The following SYN3 variants were observed in gnomAD, a reference collection of about 807,000 sequenced individuals.
SYN3 encodes the protein synapsin III.
A neutral mutation model predicts 65.8 loss-of-function variants in SYN3; 35 were observed. The ratio of observed to expected loss-of-function variants is 0.53; its 90% confidence interval spans 0.41 to 0.70. The LOEUF is 0.70. Among genes scored for constraint, SYN3 ranks in the 30% least tolerant of loss-of-function variants. The pLI is 0.00. For synonymous variants in SYN3, 270 were observed against 292.9 expected, an observed-to-expected ratio of 0.92 and a Z score of 0.80; for missense variants, 680 against 749.0, an observed-to-expected ratio of 0.91 and a Z score of 1.08.
intron 2 of SYN3, among the ~76,000 whole-genome samples, chr22:32,988,126 G>C (rs1039292363): frequency 3.6e-4 from 54 of 151,858 alleles, no homozygotes; most frequent in Admixed American, 1.6e-3. Flanking sequence ...GGCCAACATG[G>C]TGAAACGCCA....
At chr22:32,936,889 G>A (rs1228999865) in intron 3 of SYN3, among the ~76,000 whole-genome samples, 2 of 152,132 alleles carry the variant, frequency 1.3e-5, no homozygotes, top group Admixed American at 1.3e-4. Context: ...TTAATCCCAG[G>A]CAAACTAGAA....
intron 6 of SYN3, among the ~76,000 whole-genome samples, chr22:32,709,408 A>T (rs1011003281): frequency 1.3e-5 from 2 of 152,232 alleles, no homozygotes; most frequent in Non-Finnish European, 2.9e-5. Flanking sequence ...GTTTTTAAAC[A>T]AAACCAAACC....
chr22:32,660,315 T>C (rs1314999526), intron 6 of SYN3, among the ~76,000 whole-genome samples: 1 of 152,246 alleles, frequency 6.6e-6, no homozygotes, highest in Non-Finnish European at 1.5e-5. Context: ...TAAGTAGCCG[T>C]GCCAAACCTG....
chr22:33,058,025 G>A (rs1349089940), intron 1 of SYN3, among the ~76,000 whole-genome samples: 1 of 152,062 alleles, frequency 6.6e-6, no homozygotes, highest in Non-Finnish European at 1.5e-5. Context: ...CCGGCTCCCG[G>A]GCCCGGCAGA....
intron 6 of SYN3, among the ~76,000 whole-genome samples, chr22:32,597,239 A>T (rs5998550): frequency 1.9e-5 from 2 of 103,118 alleles, no homozygotes; most frequent in Admixed American, 1.3e-4. Flanking sequence ...TTTTTGGGAC[A>T]AGTCTTGCTC....
At chr22:32,728,641 G>C (rs1250032842) in intron 6 of SYN3, among the ~76,000 whole-genome samples, 1 of 152,202 alleles carries the variant, frequency 6.6e-6, no homozygotes, top group African/African-American at 2.4e-5. Flanking sequence ...GAGGTTGGGG[G>C]AGTCATGAAA....
At chr22:32,645,402 G>T (rs896171277) in intron 6 of SYN3, among the ~76,000 whole-genome samples, 2 of 148,978 alleles carry the variant, frequency 1.3e-5, no homozygotes, top group African/African-American at 5.0e-5. Flanking sequence ...GGTGAGCGAA[G>T]ATCGCACCAC....
At chr22:32,652,198 C>G (rs1051896135) in intron 6 of SYN3, among the ~76,000 whole-genome samples, 5 of 152,232 alleles carry the variant, frequency 3.3e-5, no homozygotes, top group South Asian at 2.1e-4. Flanking sequence ...ATCTCCTCCC[C>G]GCTAGTCCCC....
Position 32,869,140 on chromosome 22 carries a change from A to G in SYN3, c.462-15T>C. 6.2e-7 allele frequency: 1 copy of G among 1,610,626 alleles called. No individual in the cohort carries two copies. The highest frequency in any genetic ancestry group is 8.5e-7 in the Non-Finnish European group (1 of 1,177,716). On this transcript the variant is annotated splice_polypyrimidine_tract_variant and intron_variant, in intron 4 of 13. Transcript: ENST00000358763. ...TGAAGGATCTGCTGAGAAAGCCAACAGCAGTGTTACCACACTGGGACATTG... is the reference window on the plus strand; with the variant it reads ...TGAAGGATCTGCTGAGAAAGCCAACGGCAGTGTTACCACACTGGGACATTG...
chr22:32,948,743 T>TAAATAAAC (rs1481945347), intron 3 of SYN3, among the ~76,000 whole-genome samples: 1 of 151,418 alleles, frequency 6.6e-6, no homozygotes, highest in Non-Finnish European at 1.5e-5. Flanking sequence ...TCTCAATAAA[T>TAAATAAAC]AAATAAATAA....
At chr22:32,915,243 T>C (rs1432290805) in intron 4 of SYN3, among the ~76,000 whole-genome samples, 1 of 152,138 alleles carries the variant, frequency 6.6e-6, no homozygotes, top group Non-Finnish European at 1.5e-5. Context: ...GCACCTTCTG[T>C]ACATGTACCC....
At chr22:32,608,417 T>C (rs1048011982) in intron 6 of SYN3, among the ~76,000 whole-genome samples, 1 of 152,250 alleles carries the variant, frequency 6.6e-6, no homozygotes, top group Non-Finnish European at 1.5e-5. Context: ...TCTTAGTTAC[T>C]TCAGAAAATA....
chr22:32,924,196 T>A (rs948400096), intron 4 of SYN3, among the ~76,000 whole-genome samples: 4 of 152,218 alleles, frequency 2.6e-5, no homozygotes, highest in African/African-American at 9.6e-5. Flanking sequence ...TCTTTGGGTA[T>A]ATACTCGGTA....
intron 6 of SYN3, among the ~76,000 whole-genome samples, chr22:32,655,195 T>C (rs1192976393): frequency 6.6e-6 from 1 of 152,364 alleles, no homozygotes; most frequent in Middle Eastern, 3.4e-3. Context: ...TCATTTCTTT[T>C]ATGCCACTTC....
chr22:32,608,768 G>GA (rs939723489), intron 6 of SYN3, among the ~76,000 whole-genome samples: 1 of 152,122 alleles, frequency 6.6e-6, no homozygotes, highest in Non-Finnish European at 1.5e-5. Context: ...CTATAAATGG[G>GA]AATAAGCACA....
At chr22:32,633,060 C>T (rs558947843) in intron 6 of SYN3, among the ~76,000 whole-genome samples, 2 of 152,346 alleles carry the variant, frequency 1.3e-5, no homozygotes, top group African/African-American at 4.8e-5. Flanking sequence ...TACTTCTCCA[C>T]TCTGAACCTT....
intron 7 of SYN3, among the ~76,000 whole-genome samples, chr22:32,544,102 C>A (rs1261895810): frequency 6.6e-6 from 1 of 152,134 alleles, no homozygotes; most frequent in Non-Finnish European, 1.5e-5. Flanking sequence ...CCATGCCCGG[C>A]TAGTTTTTGA....
chr22:32,682,507 C>G (rs1054556144), intron 6 of SYN3, among the ~76,000 whole-genome samples: 45 of 152,084 alleles, frequency 3.0e-4, no homozygotes, highest in Non-Finnish European at 5.6e-4. Flanking sequence ...TCATCCCCTT[C>G]TAGGGTGGAA....
intron 6 of SYN3, among the ~76,000 whole-genome samples, chr22:32,599,324 CTTTT>C (rs58109238): frequency 6.9e-6 from 1 of 144,022 alleles, no homozygotes. Context: ...CCCTGATGTA[CTTTT>C]TTTTTTTTTT....
Sources: allele counts gnomAD v4.1 joint callset (sites outside exome capture counted in the v4.1 genomes callset), GRCh38; gene constraint gnomAD v4.1.1; transcripts MANE v1.5; gene names NCBI Gene and HGNC (gene_info 2026-07-23, HGNC 2026-07-21).